The following OR6B3 variants were observed in gnomAD, a reference collection of about 807,000 sequenced individuals.
OR6B3 encodes olfactory receptor 6B3.
For synonymous variants in OR6B3, 148 were observed against 187.8 expected (o/e 0.79, Z 1.73); for missense variants, 315 against 427.4 (o/e 0.74, Z 2.32).
chr2:240,050,298 G>C (rs1425926858), upstream of OR6B3, among the ~76,000 whole-genome samples: 1 of 152,248 alleles, frequency 6.6e-6, no homozygotes, highest in Non-Finnish European at 1.5e-5. Flanking sequence ...AAGCATGACT[G>C]CAGAATTAAC....
At chr2:240,046,583 G>T (rs1406063155) in intron 1 of OR6B3, among the ~76,000 whole-genome samples, 2 of 152,188 alleles carry the variant, frequency 1.3e-5, no homozygotes, top group Non-Finnish European at 1.5e-5. Flanking sequence ...CATGGCAGGG[G>T]TGAGGCCCAG....
At chr2:240,048,312 C>A (rs2106527757), upstream of OR6B3, among the ~76,000 whole-genome samples, 1 of 152,260 alleles carries the variant, frequency 6.6e-6, no homozygotes, top group South Asian at 2.1e-4. Context: ...TCCTTTCTTG[C>A]ACCTGGAATG....
rs563044781 is a variant in OR6B3, at chr2:240,046,024, A to G, written c.49T>C (p.Phe17Leu). The change falls in exon 2 of 2, where the codon TTC (phenylalanine) becomes CTC (leucine). Residue 17 changes from phenylalanine (F) to leucine (L), a missense_variant. Phe to Leu is a conservative substitution (Grantham distance 22). Coordinates refer to ENST00000641019, the Ensembl canonical transcript of OR6B3. ...TACTGCAGCCCTGGGGCCGTGGGGA[A>G]GCCCACCAGGATGAAGGTGCCGACC... 138 of 1,613,660 alleles carry G rather than the reference A, an allele frequency of 8.6e-5. No homozygotes were observed. The highest frequency in any genetic ancestry group is 1.8e-4 in the Admixed American group (11 of 60,014).
At chr2:240,048,031 ATGAT>A (rs142672025), upstream of OR6B3, among the ~76,000 whole-genome samples, 1,762 of 152,348 alleles carry the variant, frequency 0.012, 13 homozygotes, top group African/African-American at 0.025. Context: ...AAGTAGGTAA[ATGAT>A]TAAGAATATA....
upstream of OR6B3, chr2:240,047,140 A>G (rs2106527328): frequency 6.6e-6 from 1 of 152,370 alleles, no homozygotes; most frequent in South Asian, 2.1e-4. Context: ...CAATGAAAAC[A>G]AAAAGTCACA....
chr2:240,049,540 T>C (rs1698230422), upstream of OR6B3, among the ~76,000 whole-genome samples: 1 of 152,184 alleles, frequency 6.6e-6, no homozygotes, highest in African/African-American at 2.4e-5. Flanking sequence ...ACCTGAGATA[T>C]AATAACAATC....
the OR6B3 span, among the ~76,000 whole-genome samples, chr2:240,053,320 T>A: frequency 2.0e-5 from 3 of 152,224 alleles, no homozygotes; most frequent in Non-Finnish European, 4.4e-5. This position sits in a 1 kb window ranked among gnomAD's most constrained non-coding sequence, Gnocchi z 4.1. Context: ...TCTGGTTTCT[T>A]TTGAAAAGCT....
At chr2:240,047,163 T>C (rs1271825817), upstream of OR6B3, 1 of 152,096 alleles carries the variant, frequency 6.6e-6, no homozygotes, top group African/African-American at 2.4e-5. Context: ...ATAAATAGTA[T>C]TATTCAGAAA....
rs572554222 is a variant in OR6B3, at chr2:240,045,556, C to T, written c.517G>A (p.Val173Ile). 3.0e-5 allele frequency: 47 copies of T among 1,564,290 alleles called. No individual in the cohort carries two copies. The highest frequency in any genetic ancestry group is 4.5e-5 in the East Asian group (2 of 44,586). Residue 173 changes from valine to isoleucine, a missense_variant, in exon 2 of 2, where the codon GTC (valine) becomes ATC (isoleucine). Coordinates refer to ENST00000641019, the Ensembl canonical transcript of OR6B3. ...ATGTCACAGAAGAAGTGGTTCAAGA[C>T]GTTGGAGCCACAGAACGTGACGCTG...
Position 240,045,781 on chromosome 2 carries a change from T to G in OR6B3, c.292A>C (p.Met98Leu), listed in dbSNP as rs1347387904. ...GAGCTGAAGAAGTAGAGCTGCGTCA[T>G]GCACCCGACGAAAGAGATGCGTTTC... Residue 98 changes from methionine (M) to leucine (L), a missense_variant, in exon 2 of 2, where the codon ATG becomes CTG. Physicochemically the swap from Met to Leu is conservative, Grantham distance 15 (BLOSUM62 2). Coordinates refer to ENST00000641019, the Ensembl canonical transcript of OR6B3. 8 of 1,456,978 alleles carry G rather than the reference T, an allele frequency of 5.5e-6. No individual in the cohort carries two copies. The highest frequency in any genetic ancestry group is 1.7e-4 in the Middle Eastern group (1 of 5,818). 90.3% of individuals were successfully genotyped at this position (1,456,978 alleles called of 1,614,324 possible).
exon 2 of OR6B3, chr2:240,045,891 T>C (rs1330355017): frequency 3.1e-6 from 5 of 1,600,226 alleles, no homozygotes; most frequent in Non-Finnish European, 4.3e-6. Flanking sequence ...GCTCAGAAAG[T>C]AGTACATGGG....
upstream of OR6B3, among the ~76,000 whole-genome samples, chr2:240,051,912 T>C (rs2106529013): frequency 6.6e-6 from 1 of 152,338 alleles, no homozygotes; most frequent in Non-Finnish European, 1.5e-5. Context: ...CACAGCTAAA[T>C]ACCAGGATCA....
At chr2:240,050,090 A>AAC (rs1698236701), upstream of OR6B3, among the ~76,000 whole-genome samples, 1 of 152,048 alleles carries the variant, frequency 6.6e-6, no homozygotes, top group Non-Finnish European at 1.5e-5. Flanking sequence ...TAAAAAAAAA[A>AAC]AATCAGTTGT....
rs200049676 is a variant in OR6B3, at chr2:240,045,484, G to T, written c.589C>A (p.Leu197Met). The T allele has an allele frequency of 1.3e-3, 2,080 of 1,614,148 alleles. 1 individual carries two copies. The highest frequency in any genetic ancestry group is 1.6e-3 in the Non-Finnish European group (1,859 of 1,179,976). The change falls in exon 2 of 2, where the codon CTG becomes ATG. Residue 197 changes from leucine to methionine, a missense_variant. Transcript: ENST00000641019. Reference sequence around the variant, plus strand: ...ATGAAGGCCAGAATGAAATCCACCAGCTCTGCAGTGGAGAAGTCCGTGCAG... The same window carrying T: ...ATGAAGGCCAGAATGAAATCCACCATCTCTGCAGTGGAGAAGTCCGTGCAG...
chr2:240,046,599 A>T (rs1181116690), intron 1 of OR6B3, among the ~76,000 whole-genome samples: 1 of 152,176 alleles, frequency 6.6e-6, no homozygotes, highest in Non-Finnish European at 1.5e-5. Flanking sequence ...CCCAGGTCCA[A>T]CTTGGCCAGA....
chr2:240,048,495 C>G (rs888562369), upstream of OR6B3, among the ~76,000 whole-genome samples: 1 of 152,060 alleles, frequency 6.6e-6, no homozygotes, highest in African/African-American at 2.4e-5. Context: ...GGTGGAAGCT[C>G]TCTATTTGGG....
chr2:240,053,123 T>C, the OR6B3 span, among the ~76,000 whole-genome samples: 2 of 152,218 alleles, frequency 1.3e-5, no homozygotes, highest in African/African-American at 4.8e-5. The surrounding 1 kb of genome is among the most constrained non-coding windows in gnomAD (Gnocchi z 4.1). Flanking sequence ...GAGACAGATT[T>C]TATGGTGGGG....
chr2:240,050,075 T>C (rs1292600760), upstream of OR6B3, among the ~76,000 whole-genome samples: 1 of 121,052 alleles, frequency 8.3e-6, no homozygotes, highest in Non-Finnish European at 1.7e-5. Flanking sequence ...CAACAATGAC[T>C]GGAGTAAAAA....
At chr2:240,049,832 C>A (rs1220621276), upstream of OR6B3, among the ~76,000 whole-genome samples, 2 of 151,972 alleles carry the variant, frequency 1.3e-5, no homozygotes, top group Non-Finnish European at 1.5e-5. Flanking sequence ...AAGAGGAAAA[C>A]CTTGGGAAAG....
Sources: gnomAD v4.1 joint callset for allele counts (sites outside exome capture counted in the v4.1 genomes callset) on GRCh38, gnomAD v4.1.1 for gene constraint, Gnocchi (gnomAD v3.1) non-coding constraint, MANE v1.5 for transcripts, NCBI Gene and HGNC (gene_info 2026-07-23, HGNC 2026-07-21) for gene names.